The following ACSF2 variants were observed in gnomAD, a reference collection of about 807,000 sequenced individuals.
The protein encoded by ACSF2 is medium-chain acyl-CoA ligase ACSF2, mitochondrial.
Under a neutral mutation model 79.3 loss-of-function variants are expected in ACSF2, and 52 were observed. The observed-to-expected ratio is 0.66, with a 90% CI of 0.53 to 0.83. ACSF2 has a LOEUF of 0.83. Among genes scored for constraint, ACSF2 ranks in the 40% least tolerant of loss-of-function variants. The pLI is 0.00. For synonymous variants in ACSF2, 283 were observed against 312.6 expected (o/e 0.91, Z 1.00); for missense variants, 661 against 803.3 (o/e 0.82, Z 2.14).
In ACSF2 at chr17:50,426,277, G is replaced by A. The variant is rs1324250213; in HGVS notation, c.16G>A (p.Gly6Arg). 7.1e-7 allele frequency: 1 copy of A among 1,399,898 alleles called. No homozygotes were observed. The highest frequency in any genetic ancestry group is 1.7e-5 in the South Asian group (1 of 57,444). 86.7% of individuals were successfully genotyped at this position (1,399,898 alleles called of 1,614,324 possible). MAVYV[G>R]MLRLGRLCAG... is the part of the protein sequence containing the mutation. The stretch of plus-strand genomic sequence containing the variant: ...AAAGCGAGCCATGGCTGTCTACGTC[G>A]GGATGCTGCGCCTGGGGAGGCTGTG... Residue 6 changes from glycine (G) to arginine (R), a missense_variant, in exon 1 of 16, where the codon GGG becomes AGG. Physicochemically the swap from Gly to Arg is moderately radical, Grantham distance 125. Transcript: ENST00000300441.
intron 1 of ACSF2, among the ~76,000 whole-genome samples, chr17:50,440,255 C>G (rs1371027700): frequency 1.3e-5 from 2 of 152,066 alleles, no homozygotes; most frequent in East Asian, 3.9e-4. Context: ...AGGGGGTGGC[C>G]TCAGCATGGG....
chr17:50,466,537 G>C (rs2143757294), intron 10 of ACSF2, among the ~76,000 whole-genome samples: 1 of 152,310 alleles, frequency 6.6e-6, no homozygotes, highest in South Asian at 2.1e-4. Flanking sequence ...CACTGGGACT[G>C]TGGGGCTGCC....
rs114879437 is a variant in ACSF2 at position 50,461,223 on chromosome 17, G to A, written c.325-19G>A. The A allele has an allele frequency of 1.8e-3, 2,969 of 1,614,056 alleles. 47 individuals carry two copies. In the African/African-American group the frequency reaches 0.034, roughly 18 times the overall value. On this transcript the variant is annotated intron_variant, in intron 2 of 15. Transcript: ENST00000300441. ...CTGCTTGCCCCCTTTCACCCCTTGC[G>A]CCCCATCTTTTACACTAGGTGGACA...
At chr17:50,450,761 G>C (rs900478647) in intron 1 of ACSF2, 3 of 152,354 alleles carry the variant, frequency 2.0e-5, no homozygotes, top group Non-Finnish European at 1.5e-5. Context: ...TCTCCACTCT[G>C]CCAAACCTGA....
intron 1 of ACSF2, among the ~76,000 whole-genome samples, chr17:50,439,494 C>G (rs2030721839): frequency 6.6e-6 from 1 of 152,100 alleles, no homozygotes; most frequent in Non-Finnish European, 1.5e-5. Flanking sequence ...ACCTGTAGAT[C>G]TAAGTTATTG....
intron 6 of ACSF2, chr17:50,462,803 C>T (rs2032429623): frequency 1.6e-6 from 1 of 617,238 alleles, no homozygotes; most frequent in South Asian, 2.2e-5. Context: ...CCCTCTTGTT[C>T]CCGGTGCAGT....
At chr17:50,465,723 G>A in intron 10 of ACSF2, 1 of 1,613,700 alleles carries the variant, frequency 6.2e-7, no homozygotes. Flanking sequence ...AGGCCCCGGA[G>A]CTGGCAGGTA....
chr17:50,429,974 G>C (rs988626652), intron 1 of ACSF2, among the ~76,000 whole-genome samples: 1 of 152,234 alleles, frequency 6.6e-6, no homozygotes, highest in Non-Finnish European at 1.5e-5. Context: ...GGAATTCAAG[G>C]AGAAACCTGG....
chr17:50,469,031 C>T, intron 10 of ACSF2: 2 of 1,324,456 alleles, frequency 1.5e-6, no homozygotes, highest in Non-Finnish European at 1.9e-6. Context: ...GGGGCGGGGC[C>T]GTTCCCCCAG....
At chr17:50,448,323 A>G (rs968344651) in intron 1 of ACSF2, among the ~76,000 whole-genome samples, 1 of 152,252 alleles carries the variant, frequency 6.6e-6, no homozygotes, top group Admixed American at 6.5e-5. Flanking sequence ...ACTGTCATAT[A>G]TGCCATCCAT....
Position 50,474,635 on chromosome 17 carries a change from C to T in ACSF2, c.*83C>T, listed in dbSNP as rs2033265021. ...CCTGGCTTTATGCACCTAGATGTCCCCAGCACCCAGTTCTGAGCCAGGCAC... is the reference window on the plus strand; with the variant it reads ...CCTGGCTTTATGCACCTAGATGTCCTCAGCACCCAGTTCTGAGCCAGGCAC... On this transcript the variant is annotated 3_prime_UTR_variant, in exon 16 of 16. Coordinates refer to ENST00000300441, the MANE Select transcript of ACSF2 (RefSeq NM_025149.6). This position sits in a 1 kb window ranked among gnomAD's most constrained non-coding sequence, Gnocchi z 4.2. The T allele has an allele frequency of 7.3e-7, 1 of 1,371,506 alleles. No homozygotes were observed. The highest frequency in any genetic ancestry group is 1.7e-5 in the Admixed American group (1 of 59,176). The allele number at this position is 1,371,506 out of a possible 1,614,324, so 85.0% of individuals were successfully genotyped here. A position where few individuals can be genotyped will look rare whatever the true frequency, so the allele number is the denominator to read the frequency against.
At chr17:50,429,038 A>T (rs1915285594) in intron 1 of ACSF2, among the ~76,000 whole-genome samples, 1 of 152,234 alleles carries the variant, frequency 6.6e-6, no homozygotes, top group South Asian at 2.1e-4. Context: ...CTGCTCACAC[A>T]CAGCCTGCTT....
At chr17:50,441,409 A>G (rs965773113) in intron 1 of ACSF2, among the ~76,000 whole-genome samples, 3 of 152,198 alleles carry the variant, frequency 2.0e-5, no homozygotes, top group African/African-American at 7.2e-5. Flanking sequence ...TCCTGGGCTC[A>G]AGGGATCCGC....
chr17:50,435,586 A>AT (rs939511449), intron 1 of ACSF2, among the ~76,000 whole-genome samples: 2 of 101,392 alleles, frequency 2.0e-5, no homozygotes, highest in African/African-American at 9.6e-5. Flanking sequence ...AATTTAAAAA[A>AT]TTTTTTCATA....
In ACSF2 at chr17:50,463,445, G is replaced by A; in HGVS notation, c.939G>A (p.Leu313=). ...TGCCCAACCCCCTGTACCATTGCCT[G>A]GGTTCCGTGGCAGGCACAATGATGT... ...MILPNPLYHC[L]GSVAGTMMCL... Residue 313 remains leucine (L), a synonymous_variant, in exon 8 of 16, where the codon CTG becomes CTA. Transcript: ENST00000300441. This position sits in a 1 kb window ranked among gnomAD's most constrained non-coding sequence, Gnocchi z 4.6. 5 of 1,614,152 alleles carry A rather than the reference G, an allele frequency of 3.1e-6. No homozygotes were observed. The highest frequency in any genetic ancestry group is 4.2e-6 in the Non-Finnish European group (5 of 1,180,040).
intron 10 of ACSF2, chr17:50,469,806 T>G (rs2143792494): frequency 6.6e-6 from 1 of 152,340 alleles, no homozygotes; most frequent in East Asian, 1.9e-4. Context: ...GCCCCAGGAC[T>G]GTGAGGAGGG....
At chr17:50,428,736 T>G (rs1244324847) in intron 1 of ACSF2, among the ~76,000 whole-genome samples, 3 of 152,142 alleles carry the variant, frequency 2.0e-5, no homozygotes, top group Non-Finnish European at 4.4e-5. Context: ...GAGCTGAGAT[T>G]GCACCACTGC....
chr17:50,474,545 A>AT lies in ACSF2; in HGVS notation c.1842dup (p.Leu615SerfsTer45), dbSNP rs1160516766. ...CGAGAGCAGATGGAACGACATCTAAATCTGTGAATAAAGCAGCAGGCCTGT... is the reference window on the plus strand; with the variant it reads ...CGAGAGCAGATGGAACGACATCTAAATTCTGTGAATAAAGCAGCAGGCCTGT... On this transcript the variant is annotated frameshift_variant, in exon 16 of 16. Coordinates refer to ENST00000300441, the MANE Select transcript of ACSF2 (RefSeq NM_025149.6). LOFTEE classifies it high-confidence loss of function. The surrounding 1 kb of genome is among the most constrained non-coding windows in gnomAD (Gnocchi z 4.2). 6.2e-7 allele frequency: 1 copy of AT among 1,614,148 alleles called. No individual in the cohort carries two copies. Among genetic ancestry groups the AT allele is most frequent in the East Asian group, 2.2e-5 (1 of 44,892 alleles).
chr17:50,426,936 A>G, intron 1 of ACSF2: 1 of 1,535,760 alleles, frequency 6.5e-7, no homozygotes, highest in Non-Finnish European at 8.7e-7. Context: ...TGGCAGGCAG[A>G]GGATTTCAGT....
Sources: allele counts gnomAD v4.1 joint callset (sites outside exome capture counted in the v4.1 genomes callset), GRCh38; gene constraint gnomAD v4.1.1; non-coding constraint Gnocchi (gnomAD v3.1); transcripts MANE v1.5; gene names NCBI Gene and HGNC (gene_info 2026-07-23, HGNC 2026-07-21).